The following RBFOX1 variants were observed in gnomAD, a reference collection of about 807,000 sequenced individuals.
RBFOX1 encodes RNA binding fox-1 homolog 1, also known as RNA binding protein fox-1 homolog 1.
Under a neutral mutation model 57.7 loss-of-function variants are expected in RBFOX1, and 8 were observed. That is an observed-to-expected ratio of 0.14 (90% CI 0.08 to 0.25). The LOEUF (loss-of-function observed/expected upper bound fraction) is 0.25. Among genes scored for constraint, RBFOX1 ranks in the 10% least tolerant of loss-of-function variants. RBFOX1 has a pLI of 1.00. For missense variants in RBFOX1, 611 were observed against 548.5 expected, an observed-to-expected ratio of 1.11 and a Z score of -1.14; for synonymous variants, 326 against 222.4, an observed-to-expected ratio of 1.47 and a Z score of -4.15.
intron 4 of RBFOX1, among the ~76,000 whole-genome samples, chr16:7,094,156 C>G (rs2151183184): frequency 6.6e-6 from 1 of 151,344 alleles, no homozygotes. Context: ...TTTTCCAAAC[C>G]TTCAGACAAA....
chr16:6,920,193 G>C (rs1321785975), intron 3 of RBFOX1, among the ~76,000 whole-genome samples: 5 of 152,140 alleles, frequency 3.3e-5, no homozygotes, highest in Admixed American at 3.3e-4. Flanking sequence ...TGGGCATTGA[G>C]TTTGGTTCCT....
In RBFOX1 at chr16:6,222,406, C is replaced by T. The variant is rs892416718; in HGVS notation, c.-126-94589C>T. Among the ~76,000 whole-genome samples, 10 of 152,060 alleles carry T rather than the reference C, an allele frequency of 6.6e-5. No individual in the cohort carries two copies. In the South Asian group the frequency reaches 1.7e-3, roughly 25 times the overall value. ...AAAAGGGTTAGACAAGAGTGATGTACGTTTTCCCTTCCCTCCTTCTGCTTG... is the reference window on the plus strand; with the variant it reads ...AAAAGGGTTAGACAAGAGTGATGTATGTTTTCCCTTCCCTCCTTCTGCTTG... On this transcript the variant is annotated intron_variant, in intron 1 of 15. Transcript: ENST00000550418.
chr16:5,725,392 C>T (rs955506458), intron 3 of RBFOX1, among the ~76,000 whole-genome samples: 1 of 152,056 alleles, frequency 6.6e-6, no homozygotes, highest in Admixed American at 6.5e-5. Context: ...TACAGGCATG[C>T]ACCACTGCCC....
chr16:7,691,412 AAGG>A lies in RBFOX1; in HGVS notation c.995+14577_995+14579del, dbSNP rs1251002925. 2.0e-5 allele frequency among the ~76,000 whole-genome samples: 3 copies of A among 152,046 alleles called. No individual in the cohort carries two copies. In the East Asian group the frequency reaches 5.8e-4, roughly 29 times the overall value. On this transcript the variant is annotated intron_variant, in intron 14 of 15. Coordinates refer to ENST00000550418, the MANE Select transcript of RBFOX1 (RefSeq NM_018723.4). ...GAGAGAAAGAATGAAGGGAAAATGAAAGGAGAGAAAGAACGGAAAGAAAACGGA... is the reference window on the plus strand; with the variant it reads ...GAGAGAAAGAATGAAGGGAAAATGAAAGAGAAAGAACGGAAAGAAAACGGA...
At chr16:6,395,719 T>C (rs2092801223) in intron 2 of RBFOX1, among the ~76,000 whole-genome samples, 1 of 152,122 alleles carries the variant, frequency 6.6e-6, no homozygotes, top group African/African-American at 2.4e-5. Context: ...TCAGATTTTA[T>C]AAATTAAATG....
chr16:5,680,270 A>G (rs2050291440), intron 3 of RBFOX1, among the ~76,000 whole-genome samples: 4 of 152,120 alleles, frequency 2.6e-5, no homozygotes. Context: ...AGTCTGGCGG[A>G]GATTTGTTTG....
At chr16:6,914,807 A>C (rs1195786982) in intron 3 of RBFOX1, among the ~76,000 whole-genome samples, 3 of 152,190 alleles carry the variant, frequency 2.0e-5, no homozygotes, top group African/African-American at 7.2e-5. Flanking sequence ...AAGATCGCTG[A>C]AGCCCAGGAG....
At chr16:6,523,189 C>A (rs948614147) in intron 2 of RBFOX1, among the ~76,000 whole-genome samples, 2 of 152,146 alleles carry the variant, frequency 1.3e-5, no homozygotes, top group African/African-American at 4.8e-5. Flanking sequence ...TCATCTCTCT[C>A]TTCTCAGCAT....
At chr16:6,763,280 G>C (rs1175498960) in intron 3 of RBFOX1, among the ~76,000 whole-genome samples, 1 of 152,132 alleles carries the variant, frequency 6.6e-6, no homozygotes, top group Non-Finnish European at 1.5e-5. Context: ...TCCTGTTAGT[G>C]AGAAGCAAAG....
At position 6,019,785 on chromosome 16, in the gene RBFOX1, G is replaced by A. The variant is rs2095031129; in HGVS notation, c.-334G>A. ...CCACCCAGTGGCCGCCAGGGTCCCC[G>A]CCTGTCCGGACCCTCGCCGCGCCCA... is the stretch of plus-strand genomic sequence containing the variant. On this transcript the variant is annotated 5_prime_UTR_variant, in exon 1 of 16. Transcript: ENST00000550418. This position sits in a 1 kb window ranked among gnomAD's most constrained non-coding sequence, Gnocchi z 4.2. 3.4e-6 allele frequency: 5 copies of A among 1,452,778 alleles called. No homozygotes were observed. The highest frequency in any genetic ancestry group is 1.4e-5 in the African/African-American group (1 of 69,946). 90.0% of individuals were successfully genotyped at this position (1,452,778 alleles called of 1,614,324 possible). A position where few individuals can be genotyped will look rare whatever the true frequency, so the allele number is the denominator to read the frequency against.
intron 4 of RBFOX1, among the ~76,000 whole-genome samples, chr16:7,356,826 G>C (rs1442284950): frequency 6.6e-6 from 1 of 152,226 alleles, no homozygotes; most frequent in African/African-American, 2.4e-5. Context: ...GCCAGGTTTA[G>C]TGGACTTACT....
intron 2 of RBFOX1, among the ~76,000 whole-genome samples, chr16:6,490,522 G>C (rs532946124): frequency 6.6e-6 from 1 of 152,150 alleles, no homozygotes; most frequent in Non-Finnish European, 1.5e-5. Context: ...AAATTTGTAC[G>C]TTACTTAAGT....
chr16:5,358,729 A>T (rs1209367269), intron 1 of RBFOX1, among the ~76,000 whole-genome samples: 3 of 152,228 alleles, frequency 2.0e-5, no homozygotes, highest in Non-Finnish European at 2.9e-5. Context: ...GGGGAGGTTG[A>T]GGCAGGAGAA....
intron 4 of RBFOX1, among the ~76,000 whole-genome samples, chr16:5,904,716 G>A (rs1224247634): frequency 2.6e-5 from 4 of 151,698 alleles, no homozygotes; most frequent in African/African-American, 7.3e-5. Flanking sequence ...AGTGTCTCGC[G>A]CCTGTAATCC....
chr16:5,976,942 C>T (rs1401905260), intron 4 of RBFOX1, among the ~76,000 whole-genome samples: 1 of 152,152 alleles, frequency 6.6e-6, no homozygotes, highest in Non-Finnish European at 1.5e-5. Context: ...AGTGCAGGTT[C>T]CTCTCTGCTT....
chr16:6,294,823 T>C (rs926049224), intron 1 of RBFOX1, among the ~76,000 whole-genome samples: 1 of 152,178 alleles, frequency 6.6e-6, no homozygotes, highest in African/African-American at 2.4e-5. Flanking sequence ...AGCAACAGAA[T>C]GCATGTAAAT....
intron 4 of RBFOX1, among the ~76,000 whole-genome samples, chr16:7,061,523 A>C (rs2054272775): frequency 6.6e-6 from 1 of 152,168 alleles, no homozygotes; most frequent in South Asian, 2.1e-4. Flanking sequence ...ATGTTAATTA[A>C]TTCTTTGAGT....
intron 11 of RBFOX1, among the ~76,000 whole-genome samples, chr16:7,648,513 G>A (rs1443963318): frequency 6.6e-6 from 1 of 152,206 alleles, no homozygotes; most frequent in Non-Finnish European, 1.5e-5. Flanking sequence ...GTGAGACACT[G>A]TGCCTGACCA....
At chr16:7,138,443 G>T (rs1174633903) in intron 4 of RBFOX1, among the ~76,000 whole-genome samples, 1 of 152,158 alleles carries the variant, frequency 6.6e-6, no homozygotes, top group Non-Finnish European at 1.5e-5. Context: ...TGGAGGCAAG[G>T]ATGCTCAAAG....
Sources: allele counts gnomAD v4.1 joint callset (sites outside exome capture counted in the v4.1 genomes callset), GRCh38; gene constraint gnomAD v4.1.1; non-coding constraint Gnocchi (gnomAD v3.1); transcripts MANE v1.5; gene names NCBI Gene and HGNC (gene_info 2026-07-23, HGNC 2026-07-21).